Variants in RSPO3 observed in about 807,000 individuals in gnomAD.
RSPO3 encodes R-spondin 3, also known as R-spondin-3.
In RSPO3, 17 loss-of-function variants were observed where a neutral mutation model predicts 36.5. The ratio of observed to expected loss-of-function variants is 0.47; its 90% CI spans 0.32 to 0.70. RSPO3 has a LOEUF of 0.70. Among genes scored for constraint, RSPO3 ranks in the 30% least tolerant of loss-of-function variants. The pLI, the probability that RSPO3 is intolerant of heterozygous loss-of-function variation, is 0.04. For missense variants in RSPO3, 294 were observed against 322.5 expected, an observed-to-expected ratio of 0.91 and a Z score of 0.68; for synonymous variants, 108 against 107.0, an observed-to-expected ratio of 1.01 and a Z score of -0.06.
chr6:127,142,558 A>G (rs1774295128), intron 1 of RSPO3, among the ~76,000 whole-genome samples: 1 of 152,190 alleles, frequency 6.6e-6, no homozygotes, highest in African/African-American at 2.4e-5. Context: ...GGCAAGAAAA[A>G]TCGCCACATT....
chr6:127,195,214 T>C (rs1270203244), intron 4 of RSPO3, among the ~76,000 whole-genome samples: 1 of 152,308 alleles, frequency 6.6e-6, no homozygotes, highest in South Asian at 2.1e-4. Context: ...TTGCTCAGGC[T>C]GGAGAGTACA....
intron 1 of RSPO3, among the ~76,000 whole-genome samples, chr6:127,147,320 C>T (rs993735875): frequency 3.9e-5 from 6 of 152,176 alleles, no homozygotes; most frequent in African/African-American, 1.4e-4. Context: ...TAGTAATAAC[C>T]AAACGTCACT....
chr6:127,163,308 A>C (rs1774747923), intron 4 of RSPO3, among the ~76,000 whole-genome samples: 1 of 152,122 alleles, frequency 6.6e-6, no homozygotes, highest in South Asian at 2.1e-4. Flanking sequence ...CCTCTTTGAC[A>C]TAGGGGACAC....
rs56388820 is a variant in RSPO3, at chr6:127,144,643, G to GTT, written c.98-3993_98-3992dup. 1.8e-4 allele frequency among the ~76,000 whole-genome samples: 18 copies of GTT among 99,120 alleles called. 2 individuals carry two copies. In the East Asian group the frequency reaches 5.1e-3, roughly 28 times the overall value. The allele number at this position is 99,120 out of a possible 152,430, so 65.0% of individuals were successfully genotyped here. A position where few individuals can be genotyped will look rare whatever the true frequency, so the allele number is the denominator to read the frequency against. On this transcript the variant is annotated intron_variant, in intron 1 of 4. Transcript: ENST00000356698. ...TGTAATTTTTCAGTAGCTTCCCCTT[G>GTT]TTTTTTTTTTTTTCAGACAGAGTCT... is the stretch of plus-strand genomic sequence containing the variant.
chr6:127,151,399 A>G (rs958565079), intron 3 of RSPO3, among the ~76,000 whole-genome samples: 2 of 152,040 alleles, frequency 1.3e-5, no homozygotes, highest in African/African-American at 4.8e-5. Context: ...CTTGGGAAGC[A>G]GATGCTGAAC....
intron 1 of RSPO3, among the ~76,000 whole-genome samples, chr6:127,147,417 C>T (rs1343452164): frequency 1.3e-5 from 2 of 152,030 alleles, no homozygotes; most frequent in Non-Finnish European, 2.9e-5. Flanking sequence ...ACTGGGATGC[C>T]TTTAGATTCC....
chr6:127,192,682 T>C (rs1352967626), intron 4 of RSPO3: 22 of 985,252 alleles, frequency 2.2e-5, no homozygotes, highest in Non-Finnish European at 2.4e-5. Flanking sequence ...TTTTAATCAC[T>C]AGAATGTTCC....
chr6:127,151,398 C>A (rs1338130271), intron 3 of RSPO3, among the ~76,000 whole-genome samples: 1 of 151,968 alleles, frequency 6.6e-6, no homozygotes, highest in Admixed American at 6.6e-5. Context: ...ACTTGGGAAG[C>A]AGATGCTGAA....
Position 127,199,290 on chromosome 6 carries a change from T to C in RSPO3, c.*3283T>C, listed in dbSNP as rs1345780241. On this transcript the variant is annotated 3_prime_UTR_variant, in exon 5 of 5. Transcript: ENST00000356698. ...CTTCATTCAATATAATAATAAATAT[T>C]TTGTATATAAATGAATATCAATTAA... Among the ~76,000 whole-genome samples the C allele has an allele frequency of 6.6e-6, 1 of 152,126 alleles. No homozygotes were observed. Among genetic ancestry groups the C allele is most frequent in the Non-Finnish European group, 1.5e-5 (1 of 68,014 alleles).
chr6:127,179,004 A>G (rs1582811065), intron 4 of RSPO3, among the ~76,000 whole-genome samples: 1 of 151,910 alleles, frequency 6.6e-6, no homozygotes, highest in African/African-American at 2.4e-5. Flanking sequence ...ACATAATTTC[A>G]TTCTTAAAGA....
chr6:127,176,902 T>G (rs1775067506), intron 4 of RSPO3, among the ~76,000 whole-genome samples: 1 of 151,810 alleles, frequency 6.6e-6, no homozygotes, highest in South Asian at 2.1e-4. Context: ...TGGCAGCAAA[T>G]TTTTATTTCT....
chr6:127,164,907 T>C (rs1011617832), intron 4 of RSPO3, among the ~76,000 whole-genome samples: 1 of 152,120 alleles, frequency 6.6e-6, no homozygotes, highest in African/African-American at 2.4e-5. Flanking sequence ...GCTTTTCCTA[T>C]TTTTGCAAAG....
At position 127,198,274 on chromosome 6, in the gene RSPO3, GAAAT is replaced by G. The variant is rs1775554745; in HGVS notation, c.*2271_*2274del. Among the ~76,000 whole-genome samples, 1 of 152,104 alleles carries G rather than the reference GAAAT, an allele frequency of 6.6e-6. No individual in the cohort carries two copies. The highest frequency in any genetic ancestry group is 2.4e-5 in the African/African-American group (1 of 41,434). On this transcript the variant is annotated 3_prime_UTR_variant, in exon 5 of 5. Transcript: ENST00000356698. The stretch of plus-strand genomic sequence containing the variant: ...AAGTAGAATTATTACAAAGGAAAAA[GAAAT>G]AAAAACTAACATTCATTTTCATATG...
chr6:127,195,303 G>T (rs2114283276), intron 4 of RSPO3, among the ~76,000 whole-genome samples: 1 of 152,116 alleles, frequency 6.6e-6, no homozygotes. Context: ...TGCATAGCTG[G>T]GACACAGGCA....
At chr6:127,137,028 G>T (rs897018224) in intron 1 of RSPO3, among the ~76,000 whole-genome samples, 1 of 152,108 alleles carries the variant, frequency 6.6e-6, no homozygotes, top group Non-Finnish European at 1.5e-5. Flanking sequence ...AACTTGCTGG[G>T]TATTCTCTAT....
intron 4 of RSPO3, among the ~76,000 whole-genome samples, chr6:127,176,964 GT>G (rs1775068982): frequency 6.6e-6 from 1 of 151,716 alleles, no homozygotes; most frequent in Non-Finnish European, 1.5e-5. Flanking sequence ...AAAACCTTGT[GT>G]TTTAAACCAA....
intron 1 of RSPO3, among the ~76,000 whole-genome samples, chr6:127,136,053 A>C (rs751414239): frequency 6.6e-6 from 1 of 152,182 alleles, no homozygotes; most frequent in Non-Finnish European, 1.5e-5. Context: ...GAGAGACCAG[A>C]GAAGTAAGTG....
intron 1 of RSPO3, among the ~76,000 whole-genome samples, chr6:127,136,119 A>G (rs1437145169): frequency 1.3e-5 from 2 of 152,170 alleles, no homozygotes; most frequent in Non-Finnish European, 2.9e-5. Flanking sequence ...TCCTGTAGCC[A>G]TTCTGTAATA....
rs1051639041 is a variant in RSPO3 at position 127,198,688 on chromosome 6, T to C, written c.*2681T>C. Reference sequence around the variant, plus strand: ...CCTGTTTTCTATCCTCAGATTTAGGTTCTAGTAGCAGTTGTGTAACCACTA... The same window carrying C: ...CCTGTTTTCTATCCTCAGATTTAGGCTCTAGTAGCAGTTGTGTAACCACTA... On this transcript the variant is annotated 3_prime_UTR_variant, in exon 5 of 5. Transcript: ENST00000356698. Among the ~76,000 whole-genome samples, 2 of 152,198 alleles carry C rather than the reference T, an allele frequency of 1.3e-5. No homozygotes were observed. Among genetic ancestry groups the C allele is most frequent in the African/African-American group, 2.4e-5 (1 of 41,452 alleles).
Sources: gnomAD v4.1 joint callset for allele counts (sites outside exome capture counted in the v4.1 genomes callset) on GRCh38, gnomAD v4.1.1 for gene constraint, MANE v1.5 for transcripts, NCBI Gene and HGNC (gene_info 2026-07-23, HGNC 2026-07-21) for gene names.